Variants in CADM2 observed in about 807,000 individuals in gnomAD.
CADM2 encodes the protein cell adhesion molecule 2.
In CADM2, 12 loss-of-function variants were observed where a neutral mutation model predicts 49.8. The ratio of observed to expected loss-of-function variants is 0.24; its 90% confidence interval spans 0.15 to 0.39. CADM2 has a LOEUF of 0.39. Among genes scored for constraint, CADM2 ranks in the 10% least tolerant of loss-of-function variants. The probability of loss-of-function intolerance (pLI) is 1.00; values close to 1 mark genes in which losing one functional copy is unlikely to be tolerated. For synonymous variants in CADM2, 214 were observed against 175.4 expected, an observed-to-expected ratio of 1.22 and a Z score of -1.74; for missense variants, 378 against 492.3, an observed-to-expected ratio of 0.77 and a Z score of 2.20.
At chr3:84,997,450 A>T (rs1379311990) in intron 1 of CADM2, among the ~76,000 whole-genome samples, 1 of 152,174 alleles carries the variant, frequency 6.6e-6, no homozygotes, top group East Asian at 1.9e-4. Context: ...TTTGAAAGCC[A>T]GGGTATTTAA....
chr3:86,016,294 C>A (rs1388184295), intron 8 of CADM2, among the ~76,000 whole-genome samples: 1 of 151,978 alleles, frequency 6.6e-6, no homozygotes. Context: ...CTACCTATAT[C>A]TTTTTATATT....
At chr3:85,569,854 C>A (rs28626345) in intron 1 of CADM2, among the ~76,000 whole-genome samples, 1 of 152,008 alleles carries the variant, frequency 6.6e-6, no homozygotes, top group Non-Finnish European at 1.5e-5. Context: ...TGCTGTGTGT[C>A]TTATAATAGT....
chr3:85,219,340 G>A (rs2041996997), intron 1 of CADM2, among the ~76,000 whole-genome samples: 1 of 152,134 alleles, frequency 6.6e-6, no homozygotes, highest in African/African-American at 2.4e-5. Flanking sequence ...TAATGCTCTA[G>A]GAAATTGACT....
rs182207838 is a variant in CADM2, at chr3:86,072,600, T to A, written c.*5817T>A. ...ATGGACTTTTAAGTGCGGTATGAAA[T>A]GCAACATTACGCTTACAAACAGTAC... On this transcript the variant is annotated 3_prime_UTR_variant, in exon 10 of 10. Coordinates refer to ENST00000383699, the MANE Select transcript of CADM2 (RefSeq NM_001167675.2). 22 of 152,048 alleles carry A rather than the reference T, an allele frequency of 1.4e-4. No individual in the cohort carries two copies. In the East Asian group the frequency reaches 4.3e-3, roughly 30 times the overall value. 9.4% of individuals were successfully genotyped at this position (152,048 alleles called of 1,614,324 possible).
At chr3:85,822,660 C>A (rs1577399813) in intron 3 of CADM2, among the ~76,000 whole-genome samples, 1 of 152,010 alleles carries the variant, frequency 6.6e-6, no homozygotes, top group East Asian at 1.9e-4. Context: ...AAAAATTCAT[C>A]ATCAGTCCTG....
At chr3:86,040,231 G>C (rs1735696745) in intron 8 of CADM2, among the ~76,000 whole-genome samples, 2 of 152,180 alleles carry the variant, frequency 1.3e-5, no homozygotes, top group Non-Finnish European at 2.9e-5. Context: ...AAGTAGGACA[G>C]AGAATGACTT....
intron 1 of CADM2, among the ~76,000 whole-genome samples, chr3:85,376,096 G>T (rs181540290): frequency 1.3e-5 from 2 of 152,114 alleles, no homozygotes; most frequent in Admixed American, 1.3e-4. Context: ...ACTAATCATT[G>T]TCAAAGAACA....
intron 1 of CADM2, among the ~76,000 whole-genome samples, chr3:85,470,618 C>A (rs1253091237): frequency 2.0e-5 from 3 of 151,966 alleles, no homozygotes; most frequent in Non-Finnish European, 4.4e-5. Context: ...AAAATTCTAG[C>A]AATTAATTAT....
At chr3:85,375,222 G>C (rs2033518495) in intron 1 of CADM2, among the ~76,000 whole-genome samples, 1 of 152,168 alleles carries the variant, frequency 6.6e-6, no homozygotes, top group African/African-American at 2.4e-5. Context: ...AGTTCGAGAA[G>C]TGGAATACTA....
intron 1 of CADM2, among the ~76,000 whole-genome samples, chr3:85,162,618 G>A (rs2040360971): frequency 6.6e-6 from 1 of 151,722 alleles, no homozygotes; most frequent in Admixed American, 6.6e-5. Context: ...TATACAAAAA[G>A]GCTTGTACAC....
intron 1 of CADM2, among the ~76,000 whole-genome samples, chr3:85,548,740 A>G (rs535084585): frequency 1.3e-5 from 2 of 152,138 alleles, no homozygotes; most frequent in South Asian, 4.1e-4. Flanking sequence ...GTATCTTGAA[A>G]TGTCTGTAGA....
chr3:85,670,138 A>T (rs1450900564), intron 1 of CADM2, among the ~76,000 whole-genome samples: 1 of 152,156 alleles, frequency 6.6e-6, no homozygotes, highest in African/African-American at 2.4e-5. Context: ...TTGTGGTCCC[A>T]GCGGAAAAGA....
intron 3 of CADM2, among the ~76,000 whole-genome samples, chr3:85,861,911 T>C (rs1384712526): frequency 6.6e-6 from 1 of 152,068 alleles, no homozygotes; most frequent in African/African-American, 2.4e-5. Flanking sequence ...ATATAATATG[T>C]CCTGATATAT....
At position 85,742,989 on chromosome 3, in the gene CADM2, T is replaced by G. The variant is rs1182547997; in HGVS notation, c.88+16441T>G. ...CTAGGTGATCACATTTTCCTTTTTC[T>G]GAGTCTACCGATTTCTGCAATTTAT... is the stretch of plus-strand genomic sequence containing the variant. On this transcript the variant is annotated intron_variant, in intron 2 of 9. Transcript: ENST00000383699. Among the ~76,000 whole-genome samples, 6 of 152,334 alleles carry G rather than the reference T, an allele frequency of 3.9e-5. No homozygotes were observed. The South Asian group carries it at 1.2e-3, about 32-fold the overall frequency.
At chr3:85,298,740 A>C (rs895971612) in intron 1 of CADM2, among the ~76,000 whole-genome samples, 1 of 152,134 alleles carries the variant, frequency 6.6e-6, no homozygotes, top group African/African-American at 2.4e-5. Context: ...AAATAATGTT[A>C]AAATTTGATA....
chr3:85,223,493 CA>C (rs1237390824), intron 1 of CADM2, among the ~76,000 whole-genome samples: 1 of 152,022 alleles, frequency 6.6e-6, no homozygotes, highest in Admixed American at 6.6e-5. Flanking sequence ...ACTCTGTACA[CA>C]AAAAATATAT....
chr3:85,893,876 G>T (rs1432342827), intron 5 of CADM2, among the ~76,000 whole-genome samples: 1 of 152,150 alleles, frequency 6.6e-6, no homozygotes, highest in Non-Finnish European at 1.5e-5. Context: ...TGGAGAAATA[G>T]GAACACTTTT....
intron 1 of CADM2, among the ~76,000 whole-genome samples, chr3:85,644,686 C>G (rs1165646941): frequency 6.6e-6 from 1 of 152,084 alleles, no homozygotes; most frequent in Admixed American, 6.6e-5. Context: ...TGATATCATG[C>G]CTTTGCCCAA....
intron 1 of CADM2, among the ~76,000 whole-genome samples, chr3:85,478,130 A>C (rs1289794500): frequency 6.6e-6 from 1 of 151,936 alleles, no homozygotes; most frequent in Non-Finnish European, 1.5e-5. Flanking sequence ...TACGTATATC[A>C]GTTATCTATG....
Sources: allele counts gnomAD v4.1 joint callset (sites outside exome capture counted in the v4.1 genomes callset), GRCh38; gene constraint gnomAD v4.1.1; transcripts MANE v1.5; gene names NCBI Gene and HGNC (gene_info 2026-07-23, HGNC 2026-07-21).